Variants in METTL24 observed in about 807,000 individuals in gnomAD.
METTL24 encodes probable methyltransferase-like protein 24.
A neutral mutation model predicts 32.7 loss-of-function variants in METTL24; 29 were observed. The observed-to-expected ratio is 0.89, with a 90% CI of 0.66 to 1.21. METTL24 has a LOEUF of 1.21. Ranked by LOEUF, METTL24 falls within the 50% of genes most tolerant of loss-of-function variation. The pLI, the probability that METTL24 is intolerant of heterozygous loss-of-function variation, is 0.00. For missense variants in METTL24, 439 were observed against 468.1 expected, an observed-to-expected ratio of 0.94 and a Z score of 0.57; for synonymous variants, 163 against 179.5, an observed-to-expected ratio of 0.91 and a Z score of 0.73.
chr6:110,264,304 G>T (rs1197457191), intron 4 of METTL24, among the ~76,000 whole-genome samples: 3 of 152,168 alleles, frequency 2.0e-5, no homozygotes, highest in African/African-American at 7.2e-5. Context: ...ATCAACAAGT[G>T]GGGAAAGGAT....
chr6:110,296,608 G>C (rs555395394), intron 4 of METTL24, among the ~76,000 whole-genome samples: 79 of 152,222 alleles, frequency 5.2e-4, no homozygotes, highest in Non-Finnish European at 9.4e-4. Flanking sequence ...ATTTTTTCTT[G>C]AGTGGCTGGA....
chr6:110,255,566 G>A (rs1441916731), intron 4 of METTL24, among the ~76,000 whole-genome samples: 1 of 152,106 alleles, frequency 6.6e-6, no homozygotes, highest in Non-Finnish European at 1.5e-5. Flanking sequence ...GCAGAACCAC[G>A]GACAGCTCCC....
chr6:110,335,576 T>G (rs868612205), intron 1 of METTL24, among the ~76,000 whole-genome samples: 10 of 145,538 alleles, frequency 6.9e-5, no homozygotes, highest in African/African-American at 1.0e-4. Flanking sequence ...GTTTTTTTTT[T>G]TTTTTTTTTT....
chr6:110,297,768 CTA>C (rs1217086012), intron 4 of METTL24, among the ~76,000 whole-genome samples: 1 of 152,110 alleles, frequency 6.6e-6, no homozygotes, highest in Non-Finnish European at 1.5e-5. Flanking sequence ...CCCAAAAATC[CTA>C]TATGTGTCTC....
At chr6:110,324,115 T>C (rs1408308443) in intron 1 of METTL24, among the ~76,000 whole-genome samples, 3 of 152,162 alleles carry the variant, frequency 2.0e-5, no homozygotes, top group Non-Finnish European at 2.9e-5. Context: ...AAGGTTAGTC[T>C]ATGTGAAGCC....
At chr6:110,262,387 G>A (rs542356846) in intron 4 of METTL24, among the ~76,000 whole-genome samples, 7 of 152,152 alleles carry the variant, frequency 4.6e-5, no homozygotes, top group South Asian at 2.1e-4. Flanking sequence ...TAAATTCCTC[G>A]ACACATACAC....
chr6:110,249,593 A>G (rs189432496), intron 4 of METTL24, among the ~76,000 whole-genome samples: 64 of 152,170 alleles, frequency 4.2e-4, no homozygotes, highest in African/African-American at 1.5e-3. Context: ...GATTTCCATT[A>G]TTACTCCATA....
At chr6:110,281,477 C>G (rs983641067) in intron 4 of METTL24, among the ~76,000 whole-genome samples, 2 of 151,768 alleles carry the variant, frequency 1.3e-5, no homozygotes, top group Non-Finnish European at 2.9e-5. Context: ...CCCGTCTCTA[C>G]TAAAAATACA....
Position 110,302,562 on chromosome 6 carries a change from TAC to T in METTL24, c.558-3414_558-3413del, listed in dbSNP as rs779972584. Among the ~76,000 whole-genome samples the T allele has an allele frequency of 3.0e-3, 277 of 93,116 alleles. 28 individuals carry two copies. The highest frequency in any genetic ancestry group is 0.013 in the African/African-American group (196 of 14,912). The allele number at this position is 93,116 out of a possible 152,430, so 61.1% of individuals were successfully genotyped here. A position where few individuals can be genotyped will look rare whatever the true frequency, so the allele number is the denominator to read the frequency against. On this transcript the variant is annotated intron_variant, in intron 3 of 4. Transcript: ENST00000338882. ...ATATACACACACATATGTGTATATATACACACATACACACACATATGTGTATA... is the reference window on the plus strand; with the variant it reads ...ATATACACACACATATGTGTATATATACACATACACACACATATGTGTATA...
chr6:110,278,905 C>T (rs183573617), intron 4 of METTL24, among the ~76,000 whole-genome samples: 112 of 152,226 alleles, frequency 7.4e-4, no homozygotes, highest in Middle Eastern at 3.4e-3. Flanking sequence ...ACCTGTAGTA[C>T]CAGCTACTTG....
chr6:110,264,850 T>C (rs953283562), intron 4 of METTL24, among the ~76,000 whole-genome samples: 1 of 152,098 alleles, frequency 6.6e-6, no homozygotes, highest in Non-Finnish European at 1.5e-5. Flanking sequence ...GAAGCCATCA[T>C]TCTCAGCAAA....
chr6:110,328,917 C>A (rs757482020), intron 1 of METTL24, among the ~76,000 whole-genome samples: 11 of 152,180 alleles, frequency 7.2e-5, no homozygotes, highest in Non-Finnish European at 1.3e-4. Flanking sequence ...CCATGAATGA[C>A]CTTAGGCAGC....
intron 4 of METTL24, among the ~76,000 whole-genome samples, chr6:110,282,338 C>A (rs1427413082): frequency 6.6e-6 from 1 of 152,052 alleles, no homozygotes; most frequent in Non-Finnish European, 1.5e-5. Flanking sequence ...TGTATATTGG[C>A]CTTAAACAAT....
chr6:110,342,447 AGG>A (rs1772377949), intron 1 of METTL24, among the ~76,000 whole-genome samples: 1 of 152,230 alleles, frequency 6.6e-6, no homozygotes, highest in East Asian at 1.9e-4. Flanking sequence ...CTGAGGTCCC[AGG>A]GTACGCTCAC....
At chr6:110,283,317 A>G (rs957564610) in intron 4 of METTL24, among the ~76,000 whole-genome samples, 2 of 152,188 alleles carry the variant, frequency 1.3e-5, no homozygotes, top group East Asian at 3.8e-4. Context: ...CATATCTGGT[A>G]AAAACTATCC....
rs559190431 is a variant in METTL24 at position 110,356,614 on chromosome 6, C to G, written c.318+1341G>C. Among the ~76,000 whole-genome samples, 3 of 152,278 alleles carry G rather than the reference C, an allele frequency of 2.0e-5. No homozygotes were observed. The South Asian group carries it at 6.2e-4, about 32-fold the overall frequency. ...ACCGGATGCCTGTGCTAAGAGCCTC[C>G]CCCACGAGAATCTGAACTCGTTTTG... On this transcript the variant is annotated intron_variant, in intron 1 of 4. Transcript: ENST00000338882.
chr6:110,355,834 C>G (rs1003620151), intron 1 of METTL24, among the ~76,000 whole-genome samples: 1 of 152,166 alleles, frequency 6.6e-6, no homozygotes, highest in Non-Finnish European at 1.5e-5. Context: ...CCTACCACAG[C>G]AAGCCACCCC....
chr6:110,306,686 T>C (rs780926005), intron 3 of METTL24, among the ~76,000 whole-genome samples: 3 of 152,260 alleles, frequency 2.0e-5, no homozygotes, highest in Non-Finnish European at 4.4e-5. Flanking sequence ...CTTACTTTCA[T>C]TTATTTGCAA....
At chr6:110,310,455 A>T (rs1771701781) in intron 3 of METTL24, among the ~76,000 whole-genome samples, 1 of 149,996 alleles carries the variant, frequency 6.7e-6, no homozygotes, top group African/African-American at 2.5e-5. Context: ...ACCCTTCCCC[A>T]CTCCAGACAT....
Sources: gnomAD v4.1 joint callset for allele counts (sites outside exome capture counted in the v4.1 genomes callset) on GRCh38, gnomAD v4.1.1 for gene constraint, MANE v1.5 for transcripts, NCBI Gene and HGNC (gene_info 2026-07-23, HGNC 2026-07-21) for gene names.